The following NINL variants were observed in gnomAD, a reference collection of about 807,000 sequenced individuals.
NINL encodes ninein like.
In NINL, 153 loss-of-function variants were observed where a neutral mutation model predicts 160.3. That is an observed-to-expected ratio of 0.95 (90% CI 0.84 to 1.09). The LOEUF (loss-of-function observed/expected upper bound fraction) is 1.09. NINL is among the 50% of genes least tolerant of loss of function. The probability of loss-of-function intolerance (pLI) is 0.00; values close to 1 mark genes in which losing one functional copy is unlikely to be tolerated. For synonymous variants in NINL, 800 were observed against 734.8 expected, an observed-to-expected ratio of 1.09 and a Z score of -1.43; for missense variants, 1,829 against 1,764.0, an observed-to-expected ratio of 1.04 and a Z score of -0.66.
At chr20:25,547,847 C>G (rs1209537354) in intron 1 of NINL, among the ~76,000 whole-genome samples, 1 of 152,146 alleles carries the variant, frequency 6.6e-6, no homozygotes, top group Non-Finnish European at 1.5e-5. Flanking sequence ...GCTTCATACA[C>G]GCTGATGGGA....
intron 5 of NINL, among the ~76,000 whole-genome samples, chr20:25,505,859 T>G (rs1246407123): frequency 6.6e-6 from 1 of 151,858 alleles, no homozygotes; most frequent in East Asian, 1.9e-4. Context: ...TTGTTTGCAC[T>G]TCACTCTGTT....
rs1360715035 is a variant in NINL, at chr20:25,517,841, A to C, written c.189T>G (p.Phe63Leu). The change falls in exon 3 of 24, where the codon TTT becomes TTG. Residue 63 changes from phenylalanine to leucine, a missense_variant. By Grantham distance (22) the Phe-to-Leu change is conservative. Coordinates refer to ENST00000278886, the MANE Select transcript of NINL (RefSeq NM_025176.6). ...LGNDHFARVN[F>L]EEFKEGFVAV... ...CCACAAAACCTTCCTTAAATTCCTC[A>C]AAGTTAACCTGGGTGAATTGAAGGT... 6.2e-7 allele frequency: 1 copy of C among 1,602,542 alleles called. No individual in the cohort carries two copies. Among genetic ancestry groups the C allele is most frequent in the East Asian group, 2.2e-5 (1 of 44,690 alleles).
intron 9 of NINL, 105 bp from the exon 10 acceptor site, chr20:25,496,908 A>T: frequency 6.9e-7 from 1 of 1,453,122 alleles, no homozygotes; most frequent in Non-Finnish European, 9.3e-7. Context: ...AGAAACTAGC[A>T]CACCAACTAT....
intron 1 of NINL, among the ~76,000 whole-genome samples, chr20:25,530,827 C>T (rs1217564164): frequency 6.6e-6 from 1 of 152,132 alleles, no homozygotes; most frequent in African/African-American, 2.4e-5. Flanking sequence ...AGGGCAAGAT[C>T]ACAGGACCAC....
chr20:25,480,900 T>A (rs930710206), intron 14 of NINL, among the ~76,000 whole-genome samples: 2 of 152,222 alleles, frequency 1.3e-5, no homozygotes, highest in African/African-American at 4.8e-5. Flanking sequence ...ATCCTGGATA[T>A]GTGCGTTTCT....
At chr20:25,481,774 G>A in intron 14 of NINL, 194 bp downstream of exon 14, 1 of 761,034 alleles carries the variant, frequency 1.3e-6, no homozygotes, top group Non-Finnish European at 2.1e-6. Flanking sequence ...CCCTCTGCAG[G>A]TGACCTTCCG....
intron 13 of NINL, among the ~76,000 whole-genome samples, chr20:25,484,350 C>T (rs1361744585): frequency 6.6e-6 from 1 of 152,112 alleles, no homozygotes; most frequent in Non-Finnish European, 1.5e-5. Context: ...CCCCTAGGAG[C>T]GAGCAGCATG....
intron 13 of NINL, among the ~76,000 whole-genome samples, chr20:25,485,898 CCA>C (rs1487504734): frequency 3.9e-5 from 6 of 152,194 alleles, no homozygotes; most frequent in African/African-American, 1.4e-4. Context: ...TGAAACATTC[CCA>C]CAGTCTTTCT....
intron 22 of NINL, among the ~76,000 whole-genome samples, chr20:25,457,791 G>T (rs1830248359): frequency 6.6e-6 from 1 of 152,224 alleles, no homozygotes; most frequent in Admixed American, 6.5e-5. Flanking sequence ...GGGCACAGCT[G>T]TGCTGGGGAC....
intron 8 of NINL, among the ~76,000 whole-genome samples, chr20:25,500,133 C>T (rs2063839230): frequency 6.6e-6 from 1 of 152,092 alleles, no homozygotes; most frequent in African/African-American, 2.4e-5. Flanking sequence ...GTTCACTGCA[C>T]CTCGTGAGGC....
intron 18 of NINL, among the ~76,000 whole-genome samples, chr20:25,468,316 C>A: frequency 6.6e-6 from 1 of 150,892 alleles, no homozygotes; most frequent in East Asian, 2.0e-4. Flanking sequence ...TGGGTGGCCC[C>A]CCGTCTGGTC....
chr20:25,585,110 C>A (rs959198869), intron 1 of NINL, among the ~76,000 whole-genome samples: 1 of 152,102 alleles, frequency 6.6e-6, no homozygotes, highest in Admixed American at 6.5e-5. Context: ...GGGGCCCCGG[C>A]CAAGGCCGCC....
chr20:25,572,905 C>T (rs1054801190), intron 1 of NINL, among the ~76,000 whole-genome samples: 5 of 152,184 alleles, frequency 3.3e-5, no homozygotes, highest in Non-Finnish European at 7.4e-5. Flanking sequence ...AAACATTCCA[C>T]GTCCCGGTCC....
At chr20:25,455,976 A>G (rs2090664659) in intron 22 of NINL, among the ~76,000 whole-genome samples, 190 bp from the exon 23 acceptor site, 1 of 152,028 alleles carries the variant, frequency 6.6e-6, no homozygotes, top group African/African-American at 2.4e-5. Flanking sequence ...CGTACCTGTA[A>G]TCCCAGCTAC....
In NINL at chr20:25,453,747, G is replaced by A. The variant is rs1293209513; in HGVS notation, c.3958-105C>T. 11 of 1,113,228 alleles carry A rather than the reference G, an allele frequency of 9.9e-6. No individual in the cohort carries two copies. In the African/African-American group the frequency reaches 1.4e-4, roughly 14 times the overall value. The allele number at this position is 1,113,228 out of a possible 1,614,324, so 69.0% of individuals were successfully genotyped here. On this transcript the variant is annotated intron_variant, in intron 23 of 23. Transcript: ENST00000278886. ...CAGGTTTACGCAAACCACAGTTTTGGGCTCTTAGAAATCTGACCCAAGGCC... is the reference window on the plus strand; with the variant it reads ...CAGGTTTACGCAAACCACAGTTTTGAGCTCTTAGAAATCTGACCCAAGGCC...
intron 1 of NINL, among the ~76,000 whole-genome samples, chr20:25,529,047 T>A (rs1460760545): frequency 6.6e-6 from 1 of 152,232 alleles, no homozygotes; most frequent in South Asian, 2.1e-4. Flanking sequence ...TCTGTTCAGA[T>A]CAACTCCCCA....
chr20:25,563,986 C>G (rs1013396141), intron 1 of NINL, among the ~76,000 whole-genome samples: 1 of 152,056 alleles, frequency 6.6e-6, no homozygotes, highest in East Asian at 1.9e-4. Flanking sequence ...TGGGAGACCA[C>G]GGCAAGAGGA....
At chr20:25,512,328 G>A (rs2064085405) in intron 4 of NINL, among the ~76,000 whole-genome samples, 1 of 152,168 alleles carries the variant, frequency 6.6e-6, no homozygotes, top group African/African-American at 2.4e-5. Context: ...TCTACTCTTA[G>A]CACATTGACG....
intron 2 of NINL, among the ~76,000 whole-genome samples, chr20:25,524,118 T>C (rs1197070319): frequency 6.6e-6 from 1 of 152,152 alleles, no homozygotes; most frequent in Non-Finnish European, 1.5e-5. Context: ...GTTCCACCTA[T>C]AGGGGCTGTG....
Sources: gnomAD v4.1 joint callset for allele counts (sites outside exome capture counted in the v4.1 genomes callset) on GRCh38, gnomAD v4.1.1 for gene constraint, MANE v1.5 for transcripts, NCBI Gene and HGNC (gene_info 2026-07-23, HGNC 2026-07-21) for gene names.